The following PRKCE variants were observed in gnomAD, a reference collection of about 807,000 sequenced individuals.
The protein encoded by PRKCE is protein kinase C epsilon.
Under a neutral mutation model 85.4 loss-of-function variants are expected in PRKCE, and 16 were observed. That is an observed-to-expected ratio of 0.19 (90% CI 0.13 to 0.28). PRKCE has a LOEUF of 0.28. Ranked by LOEUF, PRKCE falls within the 10% of genes least tolerant of loss-of-function variation. The pLI, the probability that PRKCE is intolerant of heterozygous loss-of-function variation, is 1.00. For synonymous variants in PRKCE, 388 were observed against 371.5 expected, an observed-to-expected ratio of 1.04 and a Z score of -0.51; for missense variants, 573 against 975.2, an observed-to-expected ratio of 0.59 and a Z score of 5.49.
chr2:46,089,544 G>C (rs1299436786), intron 11 of PRKCE, among the ~76,000 whole-genome samples: 1 of 152,134 alleles, frequency 6.6e-6, no homozygotes, highest in African/African-American at 2.4e-5. Context: ...GCAGCCTTCA[G>C]CCCTTATAAG....
At chr2:46,032,093 A>C (rs1049721664) in intron 10 of PRKCE, among the ~76,000 whole-genome samples, 1 of 152,232 alleles carries the variant, frequency 6.6e-6, no homozygotes, top group African/African-American at 2.4e-5. Flanking sequence ...TGCCGCAAGA[A>C]TTTAGTTAAA....
intron 6 of PRKCE, among the ~76,000 whole-genome samples, chr2:45,997,262 C>A (rs1367780108): frequency 6.6e-6 from 1 of 151,922 alleles, no homozygotes; most frequent in Non-Finnish European, 1.5e-5. Flanking sequence ...TACAAAGAAC[C>A]AGCTTTTTGT....
chr2:45,725,221 A>G (rs1460080588), intron 1 of PRKCE, among the ~76,000 whole-genome samples: 1 of 152,234 alleles, frequency 6.6e-6, no homozygotes, highest in African/African-American at 2.4e-5. Flanking sequence ...ATGATAGCAC[A>G]TCTGTTTACA....
At chr2:45,906,891 C>T (rs936429742) in intron 2 of PRKCE, among the ~76,000 whole-genome samples, 3 of 152,206 alleles carry the variant, frequency 2.0e-5, no homozygotes, top group East Asian at 3.8e-4. Flanking sequence ...TCACACCCTG[C>T]GCTTGGCTGG....
At chr2:45,800,858 G>A (rs1450953153) in intron 1 of PRKCE, among the ~76,000 whole-genome samples, 1 of 152,196 alleles carries the variant, frequency 6.6e-6, no homozygotes. Context: ...GTATGCATGA[G>A]CCATGGTTCC....
intron 6 of PRKCE, among the ~76,000 whole-genome samples, chr2:45,986,862 G>A (rs1053972938): frequency 4.7e-4 from 71 of 152,078 alleles, no homozygotes; most frequent in African/African-American, 1.7e-3. Context: ...GAACAAAATG[G>A]GGCCTGCCTG....
At chr2:46,053,475 C>T (rs1050418466) in intron 10 of PRKCE, among the ~76,000 whole-genome samples, 1 of 152,176 alleles carries the variant, frequency 6.6e-6, no homozygotes, top group Admixed American at 6.5e-5. Flanking sequence ...AAAACGAAAA[C>T]TTTATGCCCA....
rs148187883 is a variant in PRKCE, at chr2:45,870,972, C to A, written c.412+27909C>A. Among the ~76,000 whole-genome samples the A allele has an allele frequency of 4.6e-5, 7 of 152,292 alleles. No individual in the cohort carries two copies. The East Asian group carries it at 1.2e-3, about 25-fold the overall frequency. On this transcript the variant is annotated intron_variant, in intron 2 of 14. Coordinates refer to ENST00000306156, the MANE Select transcript of PRKCE (RefSeq NM_005400.3). ...GAAGATGGTGAGTGAATGCCCAGTC[C>A]CAACCTGTGCCCAGAAGTTTTGGGG... is the stretch of plus-strand genomic sequence containing the variant.
intron 11 of PRKCE, among the ~76,000 whole-genome samples, chr2:46,143,491 C>T (rs761285935): frequency 6.6e-6 from 1 of 152,092 alleles, no homozygotes; most frequent in Admixed American, 6.5e-5. Flanking sequence ...TCTACTTTCA[C>T]GCACATCTCA....
At position 45,774,124 on chromosome 2, in the gene PRKCE, G is replaced by T. The variant is rs1051362186; in HGVS notation, c.349-68876G>T. 6.6e-6 allele frequency among the ~76,000 whole-genome samples: 1 copy of T among 152,152 alleles called. No individual in the cohort carries two copies. Among genetic ancestry groups the T allele is most frequent in the Non-Finnish European group, 1.5e-5 (1 of 68,034 alleles). Reference sequence around the variant, plus strand: ...TGGTAGGACCTCCCTTGGAGAGATGGGGGCTGGAGGGAGCCAGGGACTTGT... The same window carrying T: ...TGGTAGGACCTCCCTTGGAGAGATGTGGGCTGGAGGGAGCCAGGGACTTGT... On this transcript the variant is annotated intron_variant, in intron 1 of 14. Transcript: ENST00000306156. The surrounding 1 kb of genome is among the most constrained non-coding windows in gnomAD (Gnocchi z 4.3).
At chr2:45,665,346 C>A (rs1434463849) in intron 1 of PRKCE, among the ~76,000 whole-genome samples, 2 of 152,132 alleles carry the variant, frequency 1.3e-5, no homozygotes, top group Non-Finnish European at 2.9e-5. Context: ...TGAGAAAATT[C>A]ACTTAACCTC....
chr2:45,821,040 G>A (rs1453028297), intron 1 of PRKCE, among the ~76,000 whole-genome samples: 1 of 152,158 alleles, frequency 6.6e-6, no homozygotes, highest in Non-Finnish European at 1.5e-5. Flanking sequence ...AAGGGTCAGG[G>A]GAGCCAAGCC....
intron 2 of PRKCE, among the ~76,000 whole-genome samples, chr2:45,973,063 C>T (rs1274972477): frequency 2.6e-5 from 4 of 152,094 alleles, no homozygotes; most frequent in Admixed American, 6.6e-5. Flanking sequence ...GACATATAGA[C>T]GAGTGGAACA....
intron 12 of PRKCE, among the ~76,000 whole-genome samples, chr2:46,148,077 C>T (rs1676257383): frequency 6.6e-6 from 1 of 152,212 alleles, no homozygotes; most frequent in Admixed American, 6.5e-5. Context: ...GCTTTGGAGG[C>T]ATGAGGTCTG....
At chr2:46,076,949 A>G (rs1181426699) in intron 10 of PRKCE, among the ~76,000 whole-genome samples, 1 of 152,218 alleles carries the variant, frequency 6.6e-6, no homozygotes, top group Admixed American at 6.5e-5. Flanking sequence ...TCGAACTCAT[A>G]GAAGCAGAGA....
At chr2:46,058,586 T>C (rs56336893) in intron 10 of PRKCE, among the ~76,000 whole-genome samples, 7,745 of 152,296 alleles carry the variant, frequency 0.051, 280 homozygotes, top group East Asian at 0.17. Context: ...AGACTCATTC[T>C]GCATATCACC....
Position 45,905,498 on chromosome 2 carries a change from T to C in PRKCE, c.412+62435T>C, listed in dbSNP as rs965150423. ...GTAGACTATGGCTTTAATAATCAGG[T>C]AAAAAACACCCTGCCATCTGGTAAA... is the stretch of plus-strand genomic sequence containing the variant. On this transcript the variant is annotated intron_variant, in intron 2 of 14. Transcript: ENST00000306156. The surrounding 1 kb of genome is among the most constrained non-coding windows in gnomAD (Gnocchi z 4.4). Among the ~76,000 whole-genome samples, 2 of 152,082 alleles carry C rather than the reference T, an allele frequency of 1.3e-5. No individual in the cohort carries two copies. Among genetic ancestry groups the C allele is most frequent in the Non-Finnish European group, 1.5e-5 (1 of 68,000 alleles).
At chr2:46,061,813 A>G (rs949824892) in intron 10 of PRKCE, among the ~76,000 whole-genome samples, 3 of 141,018 alleles carry the variant, frequency 2.1e-5, no homozygotes, top group African/African-American at 8.4e-5. Context: ...TCACTCATGC[A>G]TACGTTAAGT....
At chr2:45,680,453 C>A (rs558179962) in intron 1 of PRKCE, among the ~76,000 whole-genome samples, 1 of 152,192 alleles carries the variant, frequency 6.6e-6, no homozygotes, top group African/African-American at 2.4e-5. Context: ...TTATTTTGGC[C>A]TTTTAGGCGC....
Sources: allele counts gnomAD v4.1 joint callset (sites outside exome capture counted in the v4.1 genomes callset), GRCh38; gene constraint gnomAD v4.1.1; non-coding constraint Gnocchi (gnomAD v3.1); transcripts MANE v1.5; gene names NCBI Gene and HGNC (gene_info 2026-07-23, HGNC 2026-07-21).